The following SREK1 variants were observed in gnomAD, a reference collection of about 807,000 sequenced individuals.
The protein encoded by SREK1 is splicing regulatory glutamine/lysine-rich protein 1.
SREK1 carries 13 observed loss-of-function variants against 66.5 expected under a neutral mutation model. The ratio of observed to expected loss-of-function variants is 0.20; its 90% CI spans 0.13 to 0.31. SREK1 has a LOEUF of 0.31. Ranked by LOEUF, SREK1 falls within the 10% of genes least tolerant of loss-of-function variation. The pLI, the probability that SREK1 is intolerant of heterozygous loss-of-function variation, is 1.00. For synonymous variants in SREK1, 265 were observed against 263.5 expected (o/e 1.01, Z -0.05); for missense variants, 607 against 769.6 (o/e 0.79, Z 2.50).
chr5:66,177,502 A>G lies in SREK1; in HGVS notation c.1581-12A>G, dbSNP rs775741666. ...TTCTTAGAATTTAACTGACATATCA[A>G]TATTCTTATAGCAGAAATAAGAAGG... On this transcript the variant is annotated splice_polypyrimidine_tract_variant and intron_variant, in intron 10 of 11. Transcript: ENST00000334121. 7 of 1,555,822 alleles carry G rather than the reference A, an allele frequency of 4.5e-6. No individual in the cohort carries two copies. In the Admixed American group the frequency reaches 8.1e-5, roughly 18 times the overall value.
In SREK1 at chr5:66,182,352, GTAA is replaced by G; in HGVS notation, c.*3486_*3488del. On this transcript the variant is annotated 3_prime_UTR_variant, in exon 12 of 12. Coordinates refer to ENST00000334121, the MANE Select transcript of SREK1 (RefSeq NM_001077199.3). ...TATTTTCTCATGTTTATTTACTAATGTAATTTTCACTTAAAATTAGATGTTTAT... is the reference window on the plus strand; with the variant it reads ...TATTTTCTCATGTTTATTTACTAATGTTTTCACTTAAAATTAGATGTTTAT... 1 of 151,944 alleles carries G rather than the reference GTAA, an allele frequency of 6.6e-6. No individual in the cohort carries two copies. Among genetic ancestry groups the G allele is most frequent in the South Asian group, 2.1e-4 (1 of 4,820 alleles). The allele number at this position is 151,944 out of a possible 1,614,324, so 9.4% of individuals were successfully genotyped here.
chr5:66,181,566 G>T lies in SREK1; in HGVS notation c.*2698G>T, dbSNP rs1746489890. The T allele has an allele frequency of 6.6e-6, 1 of 152,096 alleles. No homozygotes were observed. Among genetic ancestry groups the T allele is most frequent in the Non-Finnish European group, 1.5e-5 (1 of 68,026 alleles). 9.4% of individuals were successfully genotyped at this position (152,096 alleles called of 1,614,324 possible). A position where few individuals can be genotyped will look rare whatever the true frequency, so the allele number is the denominator to read the frequency against. ...AGTACCCTCTCTTCCTTAAGTTGTA[G>T]TTGCTATTTATCATTGTAGACAAAT... On this transcript the variant is annotated 3_prime_UTR_variant, in exon 12 of 12. Coordinates refer to ENST00000334121, the MANE Select transcript of SREK1 (RefSeq NM_001077199.3).
chr5:66,174,978 C>T lies in SREK1; in HGVS notation c.1517C>T (p.Ser506Phe). The change falls in exon 10 of 12, where the codon TCC becomes TTC. Residue 506 changes from serine (S) to phenylalanine (F), a missense_variant. Coordinates refer to ENST00000334121, the MANE Select transcript of SREK1 (RefSeq NM_001077199.3). ...CGTAGGAGGAGGAGCAGGAGTTCTT[C>T]CAGATCGCCAAGAACATCAAAAACC... ...ERRRRRSRSS[S>F]RSPRTSKTIK... The T allele has an allele frequency of 5.0e-6, 8 of 1,612,924 alleles. No homozygotes were observed. Among genetic ancestry groups the T allele is most frequent in the Non-Finnish European group, 6.8e-6 (8 of 1,179,408 alleles).
At chr5:66,147,492 A>G (rs1043982016) in intron 1 of SREK1, among the ~76,000 whole-genome samples, 2 of 152,310 alleles carry the variant, frequency 1.3e-5, no homozygotes, top group South Asian at 2.1e-4. Context: ...TGCACCCTGT[A>G]AGTTCCCCGT....
At chr5:66,164,661 A>G (rs1423976577) in intron 6 of SREK1, 122 bp from the exon 7 acceptor site, 1 of 1,590,632 alleles carries the variant, frequency 6.3e-7, no homozygotes, top group Admixed American at 1.7e-5. Flanking sequence ...TTTCTGAAGG[A>G]GGAGGATGTA....
In SREK1 at chr5:66,144,315, G is replaced by A. The variant is rs561816736; in HGVS notation, c.-62G>A. The A allele has an allele frequency of 2.2e-6, 3 of 1,354,886 alleles. No homozygotes were observed. Among genetic ancestry groups the A allele is most frequent in the South Asian group, 1.4e-5 (1 of 73,952 alleles). The allele number at this position is 1,354,886 out of a possible 1,614,324, so 83.9% of individuals were successfully genotyped here. A position where few individuals can be genotyped will look rare whatever the true frequency, so the allele number is the denominator to read the frequency against. On this transcript the variant is annotated 5_prime_UTR_variant, in exon 1 of 12. Coordinates refer to ENST00000334121, the MANE Select transcript of SREK1 (RefSeq NM_001077199.3). ...GCGGCCGCGCGTTCTCCGCTTTCCCGGCTCCGTCGCTGACGCGTCGTAGAC... is the reference window on the plus strand; with the variant it reads ...GCGGCCGCGCGTTCTCCGCTTTCCCAGCTCCGTCGCTGACGCGTCGTAGAC...
At chr5:66,153,326 AATG>A in intron 1 of SREK1, 134 bp from the exon 2 acceptor site, 1 of 1,091,538 alleles carries the variant, frequency 9.2e-7, no homozygotes, top group Non-Finnish European at 1.3e-6. Context: ...TTTATGTGTT[AATG>A]ATCCTTAATA....
At chr5:66,162,661 G>T in intron 5 of SREK1, 69 bp downstream of exon 5, 1 of 1,446,854 alleles carries the variant, frequency 6.9e-7, no homozygotes, top group East Asian at 2.3e-5. Context: ...TGTAATGAAG[G>T]CTTTTTTTTT....
At chr5:66,158,860 G>A (rs2112002492) in intron 2 of SREK1, 4 of 1,291,902 alleles carry the variant, frequency 3.1e-6, no homozygotes, top group South Asian at 1.2e-5. Context: ...TTCGATCACC[G>A]CGAAAACACC....
At chr5:66,153,257 G>A (rs1191296567) in intron 1 of SREK1, among the ~76,000 whole-genome samples, 1 of 152,138 alleles carries the variant, frequency 6.6e-6, no homozygotes, top group Non-Finnish European at 1.5e-5. Flanking sequence ...CAGTAGGCCT[G>A]CCTGGATTGC....
At chr5:66,156,732 T>A in intron 2 of SREK1, 2 of 985,336 alleles carry the variant, frequency 2.0e-6, no homozygotes, top group Non-Finnish European at 2.4e-6. Context: ...TTATGATGGT[T>A]ATTTATCATA....
At chr5:66,157,357 A>G (rs27086) in intron 2 of SREK1, 223,258 of 982,024 alleles carry the variant, frequency 0.23, 28,857 homozygotes, top group African/African-American at 0.52. Flanking sequence ...AGGTAGTTTT[A>G]CTTATTAAAG....
intron 8 of SREK1, 147 bp from the exon 9 acceptor site, chr5:66,170,438 G>C (rs1303970136): frequency 8.5e-7 from 1 of 1,183,340 alleles, no homozygotes; most frequent in African/African-American, 1.5e-5. Context: ...GCAGCTTCTT[G>C]TACACCTGAG....
chr5:66,154,385 A>G (rs1020716971), intron 2 of SREK1, among the ~76,000 whole-genome samples: 9 of 152,228 alleles, frequency 5.9e-5, no homozygotes, highest in Admixed American at 4.6e-4. Context: ...ACTTTTATTC[A>G]GAGCACTGAC....
chr5:66,162,531 C>A lies in SREK1; in HGVS notation c.694C>A (p.Gln232Lys). The stretch of plus-strand genomic sequence containing the variant: ...GTTTGCTTTTGTGGAATTTGCAGAC[C>A]AAAATTCTGTACCAAGGGCCCTTGC... The part of the protein sequence containing the change: ...TRFAFVEFAD[Q>K]NSVPRALAFN... Residue 232 changes from glutamine (Q) to lysine (K), a missense_variant, in exon 5 of 12, where the codon CAA becomes AAA. This residue lies in a region of SREK1 where 112 missense variants were observed against 168.6 expected (regional missense o/e 0.66). Coordinates refer to ENST00000334121, the MANE Select transcript of SREK1 (RefSeq NM_001077199.3). 1 of 1,613,972 alleles carries A rather than the reference C, an allele frequency of 6.2e-7. No individual in the cohort carries two copies. The highest frequency in any genetic ancestry group is 8.5e-7 in the Non-Finnish European group (1 of 1,179,932).
chr5:66,156,791 A>G lies in SREK1; in HGVS notation c.296-2428A>G, dbSNP rs778910101. 3.1e-4 allele frequency: 305 copies of G among 985,346 alleles called. 1 individual carries two copies. Among genetic ancestry groups the G allele is most frequent in the Middle Eastern group, 2.1e-3 (4 of 1,914 alleles). 61.0% of individuals were successfully genotyped at this position (985,346 alleles called of 1,614,324 possible). A position where few individuals can be genotyped will look rare whatever the true frequency, so the allele number is the denominator to read the frequency against. On this transcript the variant is annotated intron_variant, in intron 2 of 11. Transcript: ENST00000334121. ...AGACTTTTTGTTGCCTATGTGGGGA[A>G]TGGATATTTGAGAAACTTAAGTATT...
At position 66,172,974 on chromosome 5, in the gene SREK1, C is replaced by T. The variant is rs530794174; in HGVS notation, c.1485-1972C>T. Among the ~76,000 whole-genome samples the T allele has an allele frequency of 1.8e-3, 273 of 151,728 alleles. 1 individual carries two copies. The highest frequency in any genetic ancestry group is 6.4e-3 in the African/African-American group (263 of 41,350). The stretch of plus-strand genomic sequence containing the variant: ...CTTCCTGAGTAGCTGGAATTACAGG[C>T]GTGTGCCACCACACTCAACTGATTT... On this transcript the variant is annotated intron_variant, in intron 9 of 11. Coordinates refer to ENST00000334121, the MANE Select transcript of SREK1 (RefSeq NM_001077199.3).
chr5:66,151,173 G>A (rs953016566), intron 1 of SREK1, among the ~76,000 whole-genome samples: 6 of 152,100 alleles, frequency 3.9e-5, no homozygotes, highest in Non-Finnish European at 7.4e-5. Flanking sequence ...ATTCGTGGGG[G>A]TGGGAACTTT....
At chr5:66,167,968 C>T (rs1284130699) in intron 7 of SREK1, 1 of 152,146 alleles carries the variant, frequency 6.6e-6, no homozygotes, top group Non-Finnish European at 1.5e-5. Flanking sequence ...TTAACATCTA[C>T]TCCTTAACTT....
Sources: allele counts gnomAD v4.1 joint callset (sites outside exome capture counted in the v4.1 genomes callset), GRCh38; gene constraint gnomAD v4.1.1; regional missense constraint gnomAD v4.1.1; transcripts MANE v1.5; gene names NCBI Gene and HGNC (gene_info 2026-07-23, HGNC 2026-07-21).